Variants in RNF214 observed in about 807,000 individuals in gnomAD.
The protein encoded by RNF214 is ring finger protein 214.
RNF214 carries 25 observed loss-of-function variants against 75.9 expected under a neutral mutation model. The ratio of observed to expected loss-of-function variants is 0.33; its 90% CI spans 0.24 to 0.46. The LOEUF (loss-of-function observed/expected upper bound fraction) is 0.46, where lower values mean the gene tolerates loss of function less well. Ranked by LOEUF, RNF214 falls within the 20% of genes least tolerant of loss-of-function variation. The probability of loss-of-function intolerance (pLI) is 1.00; values close to 1 mark genes in which losing one functional copy is unlikely to be tolerated. For missense variants in RNF214, 725 were observed against 857.5 expected (o/e 0.85, Z 1.93); for synonymous variants, 314 against 308.8 (o/e 1.02, Z -0.18).
In RNF214 at chr11:117,279,796, G is replaced by T. The variant is rs56938690; in HGVS notation, c.960-112G>T. The T allele has an allele frequency of 3.8e-3, 2,470 of 643,480 alleles. 45 individuals are homozygous for T. Among genetic ancestry groups the T allele is most frequent in the African/African-American group, 0.038 (2,076 of 54,858 alleles). The allele number at this position is 643,480 out of a possible 1,614,324, so 39.9% of individuals were successfully genotyped here. On this transcript the variant is annotated intron_variant, in intron 6 of 14. Transcript: ENST00000300650. ...TAAGTATAGTTAATACTTAGAGTAA[G>T]ACTTCCTGTAACATACTTGGCTGAC...
chr11:117,283,154 C>T lies in RNF214; in HGVS notation c.1990C>T (p.Leu664Phe), dbSNP rs779011481. ...TAAGCTATGTCTAATGTGCCAGAAA[C>T]TCGTCCAGCCCAGTGAGCTGCATCC... is the stretch of plus-strand genomic sequence containing the variant. The part of the protein sequence containing the change: ...TCKLCLMCQK[L>F]VQPSELHPMA... Residue 664 changes from leucine to phenylalanine, a missense_variant, in exon 14 of 15, where the codon CTC becomes TTC. By Grantham distance (22) the Leu-to-Phe change is conservative (BLOSUM62 0). This residue lies in a region of RNF214 where 363 missense variants were observed against 513.0 expected (regional missense o/e 0.71). Transcript: ENST00000300650. The T allele has an allele frequency of 6.2e-7, 1 of 1,614,142 alleles. No homozygotes were observed. Among genetic ancestry groups the T allele is most frequent in the Non-Finnish European group, 8.5e-7 (1 of 1,180,020 alleles).
chr11:117,239,581 A>G (rs2033015219), intron 3 of RNF214: 3 of 542,846 alleles, frequency 5.5e-6, no homozygotes, highest in Non-Finnish European at 9.9e-6. Flanking sequence ...TCTCTCAGTC[A>G]GTCATTGGGT....
Position 117,238,958 on chromosome 11 carries a change from A to G in RNF214, c.465A>G (p.Pro155=). The change falls in exon 3 of 15, where the codon CCA becomes CCG. Residue 155 remains proline (P), a synonymous_variant. Transcript: ENST00000300650. ...GGAATTGCTCTGAAGAGAAATCCCC[A>G]CAAACCTCCATCCTAAAGGAAGGTA... ...ASRNCSEEKS[P]QTSILKEGNR... 1.2e-6 allele frequency: 2 copies of G among 1,614,190 alleles called. No individual in the cohort carries two copies. Among genetic ancestry groups the G allele is most frequent in the Non-Finnish European group, 1.7e-6 (2 of 1,180,028 alleles).
chr11:117,251,306 CTCACTT>C lies in RNF214; in HGVS notation c.959+4359_959+4364del, dbSNP rs2033378678. 4.6e-5 allele frequency among the ~76,000 whole-genome samples: 5 copies of C among 109,518 alleles called. 2 individuals are homozygous for C. The highest frequency in any genetic ancestry group is 7.4e-5 in the African/African-American group (2 of 26,854). 71.8% of individuals were successfully genotyped at this position (109,518 alleles called of 152,430 possible). A position where few individuals can be genotyped will look rare whatever the true frequency, so the allele number is the denominator to read the frequency against. On this transcript the variant is annotated intron_variant, in intron 6 of 14. Coordinates refer to ENST00000300650, the MANE Select transcript of RNF214 (RefSeq NM_207343.4). ...GGCGGCTGGCCGGGCAGAGGGGCTC[CTCACTT>C]CCCAGTAGGGGCGGCCGGGCAGAGG...
In RNF214 at chr11:117,253,705, A is replaced by G. The variant is rs545759588; in HGVS notation, c.959+6757A>G. Among the ~76,000 whole-genome samples, 17 of 151,540 alleles carry G rather than the reference A, an allele frequency of 1.1e-4. No homozygotes were observed. In the South Asian group the frequency reaches 2.9e-3, roughly 26 times the overall value. On this transcript the variant is annotated intron_variant, in intron 6 of 14. Coordinates refer to ENST00000300650, the MANE Select transcript of RNF214 (RefSeq NM_207343.4). ...AAAAATAAATAAATAAATAAACGAC[A>G]ACAACAACAAGACAACGGTGACTCA...
At chr11:117,260,155 A>G (rs1173743511) in intron 6 of RNF214, among the ~76,000 whole-genome samples, 1 of 151,702 alleles carries the variant, frequency 6.6e-6, no homozygotes, top group African/African-American at 2.4e-5. Context: ...TCTCACTATG[A>G]TGCCCAGGTT....
rs2033240741 is a variant in RNF214 at position 117,246,944 on chromosome 11, A to G, written c.955A>G (p.Arg319Gly). 2 of 1,606,538 alleles carry G rather than the reference A, an allele frequency of 1.2e-6. No individual in the cohort carries two copies. Among genetic ancestry groups the G allele is most frequent in the Non-Finnish European group, 1.7e-6 (2 of 1,177,072 alleles). Residue 319 changes from arginine (R) to glycine (G), a missense_variant, in exon 6 of 15, where the codon AGA becomes GGA. Arg to Gly is a moderately radical substitution (Grantham distance 125). Coordinates refer to ENST00000300650, the MANE Select transcript of RNF214 (RefSeq NM_207343.4). ...AATTGAGAAGCTTTGTGAGAAGGGCAGAAGGTAACTGATGTTAAGAATAAA... is the reference window on the plus strand; with the variant it reads ...AATTGAGAAGCTTTGTGAGAAGGGCGGAAGGTAACTGATGTTAAGAATAAA... ...AEIEKLCEKG[R>G]REVWEMELDR...
At chr11:117,242,996 A>G (rs183320112) in intron 4 of RNF214, among the ~76,000 whole-genome samples, 2 of 152,352 alleles carry the variant, frequency 1.3e-5, no homozygotes, top group Non-Finnish European at 2.9e-5. Context: ...GTCCACCTGT[A>G]GAAGCCAGGT....
chr11:117,270,562 C>T (rs1335668545), intron 6 of RNF214, among the ~76,000 whole-genome samples: 2 of 150,788 alleles, frequency 1.3e-5, no homozygotes, highest in African/African-American at 4.9e-5. Flanking sequence ...CCCCCCACTC[C>T]CCCACCCCCC....
In RNF214 at chr11:117,238,820, G is replaced by A; in HGVS notation, c.327G>A (p.Leu109=). 1 of 1,614,206 alleles carries A rather than the reference G, an allele frequency of 6.2e-7. No individual in the cohort carries two copies. The highest frequency in any genetic ancestry group is 1.1e-5 in the South Asian group (1 of 91,084). Reference sequence around the variant, plus strand: ...CTGGCAGTGGGTCTCAGTCTGATTTGAAGGATGTGGCCAGCACAGCAGGAG... The same window carrying A: ...CTGGCAGTGGGTCTCAGTCTGATTTAAAGGATGTGGCCAGCACAGCAGGAG... ...CLSGSGSQSD[L]KDVASTAGEE... is the part of the protein sequence containing the mutation. The change falls in exon 3 of 15, where the codon TTG becomes TTA. Residue 109 remains leucine (L), a synonymous_variant. Transcript: ENST00000300650.
intron 6 of RNF214, among the ~76,000 whole-genome samples, chr11:117,264,926 G>A (rs1591833314): frequency 2.0e-5 from 3 of 151,946 alleles, no homozygotes; most frequent in East Asian, 3.9e-4. Context: ...AATTAGCTGG[G>A]CGTGGTGGCA....
Position 117,283,100 on chromosome 11 carries a change from G to A in RNF214, c.1951-15G>A, listed in dbSNP as rs765959577. On this transcript the variant is annotated splice_polypyrimidine_tract_variant and intron_variant, in intron 13 of 14. Transcript: ENST00000300650. ...AGGTTCCTTACCTTTTGATCATGCC[G>A]CCTCTGTTCTACAGGCTCCAGCCAC... 1.6e-5 allele frequency: 25 copies of A among 1,596,300 alleles called. No individual in the cohort carries two copies. Among genetic ancestry groups the A allele is most frequent in the African/African-American group, 5.4e-5 (4 of 74,486 alleles).
At chr11:117,281,459 C>G in intron 9 of RNF214, 55 bp downstream of exon 9, 2 of 1,456,096 alleles carry the variant, frequency 1.4e-6, no homozygotes, top group Non-Finnish European at 1.9e-6. Context: ...CTTAACACTT[C>G]CAGCAATTGG....
At chr11:117,256,534 A>G (rs1470993709) in intron 6 of RNF214, among the ~76,000 whole-genome samples, 1 of 152,060 alleles carries the variant, frequency 6.6e-6, no homozygotes, top group Non-Finnish European at 1.5e-5. Context: ...CAGCTGGAAC[A>G]TTGGGATGCC....
intron 6 of RNF214, among the ~76,000 whole-genome samples, chr11:117,276,996 G>A (rs903734065): frequency 1.6e-4 from 24 of 152,326 alleles, no homozygotes; most frequent in South Asian, 6.2e-4. Context: ...TTTTGGAACT[G>A]AGGGAATATG....
intron 6 of RNF214, among the ~76,000 whole-genome samples, chr11:117,255,519 AT>A (rs201207230): frequency 2.0e-5 from 3 of 150,428 alleles, no homozygotes; most frequent in African/African-American, 4.9e-5. Context: ...TTATTCTTTA[AT>A]TTTTTTTTCT....
chr11:117,257,985 G>C lies in RNF214; in HGVS notation c.959+11037G>C, dbSNP rs1591828408. ...GCTGAAAGTATTGTACATTAACACT[G>C]ACCACCTGGATTCAACAATTAATAT... is the stretch of plus-strand genomic sequence containing the variant. On this transcript the variant is annotated intron_variant, in intron 6 of 14. Coordinates refer to ENST00000300650, the MANE Select transcript of RNF214 (RefSeq NM_207343.4). Among the ~76,000 whole-genome samples, 3 of 152,058 alleles carry C rather than the reference G, an allele frequency of 2.0e-5. No individual in the cohort carries two copies. The East Asian group carries it at 5.8e-4, about 29-fold the overall frequency.
chr11:117,277,213 C>T (rs1166571544), intron 6 of RNF214, among the ~76,000 whole-genome samples: 2 of 151,936 alleles, frequency 1.3e-5, no homozygotes, highest in South Asian at 2.1e-4. Context: ...TGTGGTGGTA[C>T]GCATCTGTAG....
At chr11:117,269,321 G>A (rs1270995474) in intron 6 of RNF214, among the ~76,000 whole-genome samples, 2 of 152,186 alleles carry the variant, frequency 1.3e-5, no homozygotes, top group African/African-American at 4.8e-5. Flanking sequence ...CTTTGGGGGA[G>A]GTGGCAGGAA....
Sources: allele counts gnomAD v4.1 joint callset (sites outside exome capture counted in the v4.1 genomes callset), GRCh38; gene constraint gnomAD v4.1.1; regional missense constraint gnomAD v4.1.1; transcripts MANE v1.5; gene names NCBI Gene and HGNC (gene_info 2026-07-23, HGNC 2026-07-21).